The following ASXL1 variants were observed in gnomAD, a reference collection of about 807,000 sequenced individuals.
The protein encoded by ASXL1 is polycomb group protein ASXL1.
Under a neutral mutation model 89.1 loss-of-function variants are expected in ASXL1, and 65 were observed. That is an observed-to-expected ratio of 0.73 (90% CI 0.60 to 0.90). The LOEUF (loss-of-function observed/expected upper bound fraction) is 0.90, where lower values mean the gene tolerates loss of function less well. Ranked by LOEUF, ASXL1 falls within the 40% of genes least tolerant of loss-of-function variation. The pLI, the probability that ASXL1 is intolerant of heterozygous loss-of-function variation, is 0.00. For missense variants in ASXL1, 1,786 were observed against 1,942.9 expected (o/e 0.92, Z 1.52); for synonymous variants, 739 against 746.9 (o/e 0.99, Z 0.17).
intron 4 of ASXL1, among the ~76,000 whole-genome samples, chr20:32,388,848 G>A (rs1338245280): frequency 1.3e-5 from 2 of 151,802 alleles, no homozygotes; most frequent in Admixed American, 6.6e-5. Flanking sequence ...TTTATTGTGG[G>A]AATATATTGT....
intron 10 of ASXL1, 107 bp from the exon 11 acceptor site, chr20:32,432,773 A>G: frequency 7.4e-7 from 1 of 1,345,558 alleles, no homozygotes; most frequent in Non-Finnish European, 1.0e-6. Context: ...GATGTGAGAG[A>G]GCCTTTAGAA....
chr20:32,394,249 GCCTTGGCCT>G (rs2048723305), intron 4 of ASXL1, among the ~76,000 whole-genome samples: 1 of 151,938 alleles, frequency 6.6e-6, no homozygotes, highest in Non-Finnish European at 1.5e-5. Context: ...TGATCTGCCC[GCCTTGGCCT>G]CCCAAAGTGC....
intron 12 of ASXL1, 26 bp downstream of exon 12, chr20:32,433,943 G>A (rs768364537): frequency 1.2e-6 from 2 of 1,611,054 alleles, no homozygotes; most frequent in Non-Finnish European, 1.7e-6. Flanking sequence ...ATTCCTGGCT[G>A]CCCTGGAGCC....
At chr20:32,412,930 C>T (rs1280766438) in intron 4 of ASXL1, among the ~76,000 whole-genome samples, 1 of 151,986 alleles carries the variant, frequency 6.6e-6, no homozygotes, top group Non-Finnish European at 1.5e-5. Flanking sequence ...TTGCATCTAC[C>T]TTTTGACCGA....
intron 4 of ASXL1, among the ~76,000 whole-genome samples, chr20:32,410,137 T>C (rs1162306267): frequency 1.3e-5 from 2 of 152,194 alleles, no homozygotes; most frequent in Admixed American, 1.3e-4. Context: ...GTCTGCCTTA[T>C]TTCTCTCCTA....
intron 4 of ASXL1, among the ~76,000 whole-genome samples, chr20:32,394,399 A>C (rs1024206329): frequency 6.6e-6 from 1 of 152,186 alleles, no homozygotes; most frequent in Non-Finnish European, 1.5e-5. Context: ...GGCCTCCCAA[A>C]GTGCTGGCAT....
At chr20:32,421,871 T>TC (rs2049258486) in intron 4 of ASXL1, among the ~76,000 whole-genome samples, 2 of 138,022 alleles carry the variant, frequency 1.4e-5, no homozygotes, top group East Asian at 2.2e-4. Flanking sequence ...CTTTTCTTTT[T>TC]TTTTTTTTTT....
chr20:32,426,312 T>C (rs986510885), intron 4 of ASXL1, among the ~76,000 whole-genome samples: 1 of 152,152 alleles, frequency 6.6e-6, no homozygotes, highest in Non-Finnish European at 1.5e-5. Flanking sequence ...TCTCATACTC[T>C]TGTCAGAACT....
chr20:32,436,476 C>T lies in ASXL1; in HGVS notation c.3764C>T (p.Ser1255Leu). The T allele has an allele frequency of 1.2e-6, 2 of 1,614,192 alleles. No homozygotes were observed. Among genetic ancestry groups the T allele is most frequent in the Middle Eastern group, 1.6e-4 (1 of 6,062 alleles). Residue 1255 changes from serine to leucine, a missense_variant, in exon 13 of 13, where the codon TCA becomes TTA. Ser to Leu is a moderately radical substitution (Grantham distance 145). Transcript: ENST00000375687. ...CGTGCTATGTCACAGGACAGTAATTCAAATGCTGCTCCAGGAAAGAGCCCA... is the reference window on the plus strand; with the variant it reads ...CGTGCTATGTCACAGGACAGTAATTTAAATGCTGCTCCAGGAAAGAGCCCA... ...EVRAMSQDSN[S>L]NAAPGKSPGD...
chr20:32,389,099 C>G (rs2048627300), intron 4 of ASXL1, among the ~76,000 whole-genome samples: 1 of 151,990 alleles, frequency 6.6e-6, no homozygotes, highest in South Asian at 2.1e-4. Flanking sequence ...AACCTCTATT[C>G]AGATTTTTCA....
chr20:32,389,946 T>C (rs2048643469), intron 4 of ASXL1, among the ~76,000 whole-genome samples: 1 of 152,270 alleles, frequency 6.6e-6, no homozygotes, highest in South Asian at 2.1e-4. Flanking sequence ...TTTAAAGTTA[T>C]ATTTGGTATT....
rs1299065255 is a variant in ASXL1 at position 32,436,469 on chromosome 20, A to G, written c.3757A>G (p.Ser1253Gly). The G allele has an allele frequency of 6.2e-7, 1 of 1,614,074 alleles. No individual in the cohort carries two copies. Among genetic ancestry groups the G allele is most frequent in the African/African-American group, 1.3e-5 (1 of 74,940 alleles). The change falls in exon 13 of 13, where the codon AGT (serine) becomes GGT (glycine). Residue 1253 changes from serine (S) to glycine (G), a missense_variant. Transcript: ENST00000375687. ...QKEVRAMSQD[S>G]NSNAAPGKSP... ...GGAAGTCCGTGCTATGTCACAGGACAGTAATTCAAATGCTGCTCCAGGAAA... is the reference window on the plus strand; with the variant it reads ...GGAAGTCCGTGCTATGTCACAGGACGGTAATTCAAATGCTGCTCCAGGAAA...
At chr20:32,365,654 G>A (rs575753058) in intron 1 of ASXL1, among the ~76,000 whole-genome samples, 1 of 152,292 alleles carries the variant, frequency 6.6e-6, no homozygotes, top group Admixed American at 6.5e-5. Context: ...AAGCAAGAGA[G>A]CTGCAGTTGC....
In ASXL1 at chr20:32,393,579, C is replaced by G. The variant is rs938345413; in HGVS notation, c.252+24456C>G. Among the ~76,000 whole-genome samples, 4 of 152,130 alleles carry G rather than the reference C, an allele frequency of 2.6e-5. No homozygotes were observed. In the East Asian group the frequency reaches 5.8e-4, roughly 22 times the overall value. On this transcript the variant is annotated intron_variant, in intron 4 of 12. Transcript: ENST00000375687. ...CTCCGTTTCCCGGGTTCAAGTCATT[C>G]TCTTGCCTCAGCCTCCCAAGTAGCT...
intron 4 of ASXL1, chr20:32,372,086 T>A (rs2048308475): frequency 7.5e-7 from 1 of 1,338,054 alleles, no homozygotes; most frequent in Middle Eastern, 2.0e-4. Flanking sequence ...GTTTGTAATT[T>A]GGCTCTGGGC....
chr20:32,377,106 A>T (rs1168943592), intron 4 of ASXL1, among the ~76,000 whole-genome samples: 1 of 115,238 alleles, frequency 8.7e-6, no homozygotes, highest in African/African-American at 3.5e-5. Flanking sequence ...ATTATATATA[A>T]TATATTAATA....
chr20:32,378,824 C>T (rs1421669719), intron 4 of ASXL1, among the ~76,000 whole-genome samples: 1 of 151,718 alleles, frequency 6.6e-6, no homozygotes, highest in Admixed American at 6.6e-5. Flanking sequence ...AAAAAACACC[C>T]TCAACTAAAT....
Position 32,433,121 on chromosome 20 carries a change from C to T in ASXL1, c.1085+136C>T, listed in dbSNP as rs1052799429. ...GACACTTGGGTCATTTATCTTAATG[C>T]CATTCATAGTGAAGCTAACAGAAGT... On this transcript the variant is annotated intron_variant, in intron 11 of 12. Transcript: ENST00000375687. 7.2e-6 allele frequency: 11 copies of T among 1,528,904 alleles called. No homozygotes were observed. In the African/African-American group the frequency reaches 1.4e-4, roughly 19 times the overall value. 94.7% of individuals were successfully genotyped at this position (1,528,904 alleles called of 1,614,324 possible).
At chr20:32,416,729 T>C (rs1004616680) in intron 4 of ASXL1, among the ~76,000 whole-genome samples, 1 of 152,216 alleles carries the variant, frequency 6.6e-6, no homozygotes, top group Non-Finnish European at 1.5e-5. Context: ...TATTGTATGC[T>C]TGGGTAAAAT....
Sources: gnomAD v4.1 joint callset for allele counts (sites outside exome capture counted in the v4.1 genomes callset) on GRCh38, gnomAD v4.1.1 for gene constraint, MANE v1.5 for transcripts, NCBI Gene and HGNC (gene_info 2026-07-23, HGNC 2026-07-21) for gene names.